SLC9A2: variants seen among roughly 807,000 people sequenced by gnomAD.
The protein encoded by SLC9A2 is solute carrier family 9 member A2.
SLC9A2 carries 42 observed loss-of-function variants against 71.7 expected under a neutral mutation model. The observed-to-expected ratio is 0.59, with a 90% CI of 0.46 to 0.76. The LOEUF (loss-of-function observed/expected upper bound fraction) is 0.76, where lower values mean the gene tolerates loss of function less well. SLC9A2 is among the 30% of genes least tolerant of loss of function. The probability of loss-of-function intolerance (pLI) is 0.00; values close to 1 mark genes in which losing one functional copy is unlikely to be tolerated. For synonymous variants in SLC9A2, 396 were observed against 392.5 expected, an observed-to-expected ratio of 1.01 and a Z score of -0.10; for missense variants, 829 against 1,017.4, an observed-to-expected ratio of 0.81 and a Z score of 2.52.
chr2:102,668,902 T>C (rs1235102531), intron 3 of SLC9A2, among the ~76,000 whole-genome samples: 1 of 152,220 alleles, frequency 6.6e-6, no homozygotes, highest in Non-Finnish European at 1.5e-5. Context: ...GGGCAGCCTG[T>C]TCTAGACGGA....
chr2:102,619,982 C>T lies in SLC9A2; in HGVS notation c.134C>T (p.Thr45Ile), dbSNP rs141211710. ...TLLNAPRAMGTSSSPPSPASV... is the reference protein window; with the variant it reads ...TLLNAPRAMGISSSPPSPASV... ...CTGAACGCGCCGAGGGCCATGGGCA[C>T]CAGTTCCAGCCCGCCTAGCCCTGCG... The change falls in exon 1 of 12, where the codon ACC becomes ATC. Residue 45 changes from threonine (T) to isoleucine (I), a missense_variant. Transcript: ENST00000233969. The surrounding 1 kb of genome is among the most constrained non-coding windows in gnomAD (Gnocchi z 4.3). The T allele has an allele frequency of 1.9e-4, 310 of 1,613,792 alleles. No individual in the cohort carries two copies. The highest frequency in any genetic ancestry group is 1.7e-4 in the Middle Eastern group (1 of 6,044).
chr2:102,678,382 A>G (rs1677382295), intron 3 of SLC9A2, among the ~76,000 whole-genome samples: 1 of 152,146 alleles, frequency 6.6e-6, no homozygotes, highest in Non-Finnish European at 1.5e-5. Flanking sequence ...GGGAAGGATA[A>G]TTCAATGACA....
chr2:102,641,086 A>G (rs1267897655), intron 1 of SLC9A2, among the ~76,000 whole-genome samples: 2 of 152,190 alleles, frequency 1.3e-5, no homozygotes, highest in Non-Finnish European at 2.9e-5. Context: ...TACATACTGT[A>G]TGAGGTAATA....
intron 5 of SLC9A2, among the ~76,000 whole-genome samples, chr2:102,693,835 C>A (rs1028466619): frequency 1.1e-3 from 163 of 152,252 alleles, no homozygotes; most frequent in African/African-American, 3.9e-3. Context: ...ATGCCCAAGA[C>A]CCTGATATGT....
At position 102,635,913 on chromosome 2, in the gene SLC9A2, T is replaced by G. The variant is rs1057141796; in HGVS notation, c.289+15776T>G. Among the ~76,000 whole-genome samples the G allele has an allele frequency of 3.3e-5, 5 of 152,098 alleles. 1 individual carries two copies. The South Asian group carries it at 1.0e-3, about 32-fold the overall frequency. Reference sequence around the variant, plus strand: ...CTTTTTTTTTTTTTGATCTTTTTCTTTTTATTTGGTCTTGTTTCAATTTTC... The same window carrying G: ...CTTTTTTTTTTTTTGATCTTTTTCTGTTTATTTGGTCTTGTTTCAATTTTC... On this transcript the variant is annotated intron_variant, in intron 1 of 11. Transcript: ENST00000233969.
At chr2:102,696,318 G>A (rs1304320380) in intron 7 of SLC9A2, among the ~76,000 whole-genome samples, 1 of 152,180 alleles carries the variant, frequency 6.6e-6, no homozygotes, top group Non-Finnish European at 1.5e-5. Context: ...CCTGAAGACA[G>A]AAGAACACGT....
intron 7 of SLC9A2, among the ~76,000 whole-genome samples, chr2:102,700,780 A>C (rs1207005950): frequency 6.6e-6 from 1 of 152,236 alleles, no homozygotes; most frequent in Non-Finnish European, 1.5e-5. Flanking sequence ...GGTCATATAC[A>C]AAAATGTAGC....
At chr2:102,704,008 G>T (rs563789680) in intron 9 of SLC9A2, among the ~76,000 whole-genome samples, 197 of 152,276 alleles carry the variant, frequency 1.3e-3, no homozygotes, top group Middle Eastern at 3.4e-3. Flanking sequence ...ACAGACTGTA[G>T]GATGGTGGCT....
chr2:102,668,955 T>A (rs1439723707), intron 3 of SLC9A2, among the ~76,000 whole-genome samples: 1 of 152,152 alleles, frequency 6.6e-6, no homozygotes, highest in Non-Finnish European at 1.5e-5. Flanking sequence ...ATGAATCTAA[T>A]GAAAAAGAAA....
At chr2:102,668,586 G>C (rs1677187828) in intron 3 of SLC9A2, among the ~76,000 whole-genome samples, 1 of 152,132 alleles carries the variant, frequency 6.6e-6, no homozygotes, top group Admixed American at 6.5e-5. Flanking sequence ...CAATTTTAAG[G>C]TTAATGAGAG....
intron 1 of SLC9A2, among the ~76,000 whole-genome samples, chr2:102,639,816 T>C (rs1221114541): frequency 6.6e-6 from 1 of 152,216 alleles, no homozygotes; most frequent in Admixed American, 6.5e-5. Flanking sequence ...TGTTCTTCTA[T>C]GTCTGGCAAA....
chr2:102,656,711 A>G (rs1346522705), intron 1 of SLC9A2, among the ~76,000 whole-genome samples: 1 of 152,220 alleles, frequency 6.6e-6, no homozygotes, highest in Non-Finnish European at 1.5e-5. Context: ...TCTGAATGCC[A>G]CAGATGAGAG....
intron 3 of SLC9A2, among the ~76,000 whole-genome samples, chr2:102,675,109 A>G (rs1677324389): frequency 6.6e-6 from 1 of 152,188 alleles, no homozygotes; most frequent in Non-Finnish European, 1.5e-5. Context: ...GCGAACTTAA[A>G]CTAACTTTGA....
At position 102,708,288 on chromosome 2, in the gene SLC9A2, C is replaced by A. The variant is rs762938213; in HGVS notation, c.2238C>A (p.Thr746=). ...ATTCTGGCCGAGATATGCCCAGCAC[C>A]CCCCCAACACCCCACAGCAGAGAAA... The part of the protein sequence containing the change: ...DVDSGRDMPS[T]PPTPHSREKG... Residue 746 remains threonine, a synonymous_variant, in exon 12 of 12, where the codon ACC becomes ACA. Transcript: ENST00000233969. 1 of 1,614,090 alleles carries A rather than the reference C, an allele frequency of 6.2e-7. No individual in the cohort carries two copies. Among genetic ancestry groups the A allele is most frequent in the Non-Finnish European group, 8.5e-7 (1 of 1,180,016 alleles).
At chr2:102,687,065 T>C (rs1677560096) in intron 5 of SLC9A2, among the ~76,000 whole-genome samples, 1 of 152,204 alleles carries the variant, frequency 6.6e-6, no homozygotes, top group Non-Finnish European at 1.5e-5. Flanking sequence ...TTTCCTCTTA[T>C]TAGGTTAAAC....
Position 102,619,555 on chromosome 2 carries a change from A to G in SLC9A2, c.-294A>G, listed in dbSNP as rs1346095647. Among the ~76,000 whole-genome samples the G allele has an allele frequency of 1.3e-5, 2 of 150,880 alleles. No homozygotes were observed. The highest frequency in any genetic ancestry group is 1.3e-4 in the Admixed American group (2 of 15,154). On this transcript the variant is annotated 5_prime_UTR_variant, in exon 1 of 12. Coordinates refer to ENST00000233969, the MANE Select transcript of SLC9A2 (RefSeq NM_003048.6). This position sits in a 1 kb window ranked among gnomAD's most constrained non-coding sequence, Gnocchi z 4.3. ...GGGCAGGGCCTGCCGCTGCGGCTGG[A>G]GAGCAGCGCACCGGCATGGGCAGGC...
At chr2:102,661,112 C>T (rs955523210) in intron 2 of SLC9A2, among the ~76,000 whole-genome samples, 2 of 152,054 alleles carry the variant, frequency 1.3e-5, no homozygotes, top group African/African-American at 4.8e-5. Context: ...AAAAAATAAA[C>T]GTGTGATTTT....
intron 3 of SLC9A2, among the ~76,000 whole-genome samples, chr2:102,666,198 T>TC (rs1318346562): frequency 6.9e-6 from 1 of 143,886 alleles, no homozygotes; most frequent in African/African-American, 2.7e-5. Flanking sequence ...GTTTAGCTTT[T>TC]TTTTTTTTTT....
Position 102,684,232 on chromosome 2 carries a change from ATC to A in SLC9A2, c.1323_1324del (p.Ile441MetfsTer46). 1 of 1,614,122 alleles carries A rather than the reference ATC, an allele frequency of 6.2e-7. No individual in the cohort carries two copies. Among genetic ancestry groups the A allele is most frequent in the Non-Finnish European group, 8.5e-7 (1 of 1,180,004 alleles). The part of the protein sequence containing the change: ...IIAYGGLRGA[I>X]CFALVFLLPA... ...TGCCTATGGAGGACTTCGAGGTGCC[ATC>A]TGTTTTGCGTTAGTGTTTCTCCTTC... On this transcript the variant is annotated frameshift_variant, in exon 5 of 12. Transcript: ENST00000233969. LOFTEE classifies it high-confidence loss of function.
Sources: allele counts gnomAD v4.1 joint callset (sites outside exome capture counted in the v4.1 genomes callset), GRCh38; gene constraint gnomAD v4.1.1; non-coding constraint Gnocchi (gnomAD v3.1); transcripts MANE v1.5; gene names NCBI Gene and HGNC (gene_info 2026-07-23, HGNC 2026-07-21).